The following TFAP2C variants were observed in gnomAD, a reference collection of about 807,000 sequenced individuals.
TFAP2C encodes transcription factor AP-2 gamma.
TFAP2C carries 9 observed loss-of-function variants against 42.9 expected under a neutral mutation model. The ratio of observed to expected loss-of-function variants is 0.21; its 90% confidence interval spans 0.13 to 0.37. TFAP2C has a LOEUF of 0.37. Ranked by LOEUF, TFAP2C falls within the 10% of genes least tolerant of loss-of-function variation. TFAP2C has a pLI of 1.00. For synonymous variants in TFAP2C, 264 were observed against 256.0 expected (o/e 1.03, Z -0.30); for missense variants, 462 against 591.7 (o/e 0.78, Z 2.27).
Position 56,631,082 on chromosome 20 carries a change from AGCCCCGCCGGGCGGGGTGCGGTTG to A in TFAP2C, c.49-121_49-98del. On this transcript the variant is annotated intron_variant, in intron 1 of 6. Transcript: ENST00000201031. The surrounding 1 kb of genome is among the most constrained non-coding windows in gnomAD (Gnocchi z 6.1). ...CCCGGGTACCTTCCGACCCTGGGCA[AGCCCCGCCGGGCGGGGTGCGGTTG>A]GTCCCCCGGGGCCCTCTGCGTAGCC... 6.9e-7 allele frequency: 1 copy of A among 1,439,584 alleles called. No homozygotes were observed. Among genetic ancestry groups the A allele is most frequent in the Middle Eastern group, 2.6e-4 (1 of 3,796 alleles). The allele number at this position is 1,439,584 out of a possible 1,614,324, so 89.2% of individuals were successfully genotyped here. A position where few individuals can be genotyped will look rare whatever the true frequency, so the allele number is the denominator to read the frequency against.
At chr20:56,637,593 G>A (rs1170676699) in intron 6 of TFAP2C, 135 bp from the exon 7 acceptor site, 1 of 719,224 alleles carries the variant, frequency 1.4e-6, no homozygotes, top group Non-Finnish European at 2.3e-6. Context: ...TTGGCTATTA[G>A]TATTAAATTC....
Position 56,636,553 on chromosome 20 carries a change from G to T in TFAP2C, c.923-57G>T, listed in dbSNP as rs912016156. On this transcript the variant is annotated intron_variant, in intron 5 of 6. Coordinates refer to ENST00000201031, the MANE Select transcript of TFAP2C (RefSeq NM_003222.4). The stretch of plus-strand genomic sequence containing the variant: ...AAAAAAAAAAAAAGAGAGAGGAAAA[G>T]GGCAGTTTGGCCTCAGTGACCACAG... 6.5e-6 allele frequency: 10 copies of T among 1,531,504 alleles called. No homozygotes were observed. The Admixed American group carries it at 1.7e-4, about 26-fold the overall frequency. The allele number at this position is 1,531,504 out of a possible 1,614,324, so 94.9% of individuals were successfully genotyped here. A position where few individuals can be genotyped will look rare whatever the true frequency, so the allele number is the denominator to read the frequency against.
Position 56,634,220 on chromosome 20 carries a change from G to A in TFAP2C, c.874G>A (p.Gly292Arg), listed in dbSNP as rs1346573560. 6.2e-7 allele frequency: 1 copy of A among 1,614,060 alleles called. No individual in the cohort carries two copies. Among genetic ancestry groups the A allele is most frequent in the African/African-American group, 1.3e-5 (1 of 74,934 alleles). ...CAAGATTGGGTTGAATCTTCCGGCC[G>A]GGAGGCGGAAAGCCGCTCATGTGAC... ...LDKIGLNLPA[G>R]RRKAAHVTLL... is the part of the protein sequence containing the mutation. Residue 292 changes from glycine (G) to arginine (R), a missense_variant, in exon 5 of 7, where the codon GGG becomes AGG. Physicochemically the swap from Gly to Arg is moderately radical, Grantham distance 125. This residue lies in a region of TFAP2C where 40 missense variants were observed against 106.8 expected (regional missense o/e 0.37). Transcript: ENST00000201031.
rs1446929290 is a variant in TFAP2C, at chr20:56,633,637, G to A, written c.803+68G>A. The A allele has an allele frequency of 3.3e-6, 4 of 1,205,278 alleles. No individual in the cohort carries two copies. The African/African-American group carries it at 4.5e-5, about 14-fold the overall frequency. 74.7% of individuals were successfully genotyped at this position (1,205,278 alleles called of 1,614,324 possible). On this transcript the variant is annotated intron_variant, in intron 4 of 6. Coordinates refer to ENST00000201031, the MANE Select transcript of TFAP2C (RefSeq NM_003222.4). ...AGGTGAGTGTATCAGAGGCCCAGGAGGTATTTTTAACATTTATGTGACTTT... is the reference window on the plus strand; with the variant it reads ...AGGTGAGTGTATCAGAGGCCCAGGAAGTATTTTTAACATTTATGTGACTTT...
In TFAP2C at chr20:56,634,255, A is replaced by G. The variant is rs775847335; in HGVS notation, c.909A>G (p.Thr303=). 9 of 1,611,544 alleles carry G rather than the reference A, an allele frequency of 5.6e-6. No homozygotes were observed. Among genetic ancestry groups the G allele is most frequent in the Admixed American group, 1.7e-5 (1 of 59,968 alleles). The part of the protein sequence containing the change: ...RRKAAHVTLL[T]SLVEGEAVHL... ...AAGCCGCTCATGTGACTCTCCTGAC[A>G]TCCTTAGTAGAAGGTCAGTGGGGTT... The change falls in exon 5 of 7, where the codon ACA becomes ACG. Residue 303 remains threonine, a synonymous_variant. Coordinates refer to ENST00000201031, the MANE Select transcript of TFAP2C (RefSeq NM_003222.4).
Position 56,631,048 on chromosome 20 carries a change from C to T in TFAP2C, c.49-157C>T. 1.0e-6 allele frequency: 1 copy of T among 984,870 alleles called. No individual in the cohort carries two copies. Among genetic ancestry groups the T allele is most frequent in the Non-Finnish European group, 1.2e-6 (1 of 829,406 alleles). The allele number at this position is 984,870 out of a possible 1,614,324, so 61.0% of individuals were successfully genotyped here. A position where few individuals can be genotyped will look rare whatever the true frequency, so the allele number is the denominator to read the frequency against. On this transcript the variant is annotated intron_variant, in intron 1 of 6. Coordinates refer to ENST00000201031, the MANE Select transcript of TFAP2C (RefSeq NM_003222.4). The surrounding 1 kb of genome is among the most constrained non-coding windows in gnomAD (Gnocchi z 6.1). ...TTTGCTTACAACGAAATCCTCGGGG[C>T]GCATTGCCCCCGGGTACCTTCCGAC...
At chr20:56,637,589 A>G (rs1987608518) in intron 6 of TFAP2C, 139 bp from the exon 7 acceptor site, 1 of 691,698 alleles carries the variant, frequency 1.4e-6, no homozygotes, top group South Asian at 1.9e-5. Context: ...GCAGTTGGCT[A>G]TTAGTATTAA....
chr20:56,629,649 G>C lies in TFAP2C; in HGVS notation c.48+57G>C. On this transcript the variant is annotated intron_variant, in intron 1 of 6. Coordinates refer to ENST00000201031, the MANE Select transcript of TFAP2C (RefSeq NM_003222.4). The surrounding 1 kb of genome is among the most constrained non-coding windows in gnomAD (Gnocchi z 5.9). ...CCGCCGAGGACAGTCCGGGAGGCAGGGGCCACTGGACCGAGGTCGGGGACG... is the reference window on the plus strand; with the variant it reads ...CCGCCGAGGACAGTCCGGGAGGCAGCGGCCACTGGACCGAGGTCGGGGACG... 1 of 1,335,088 alleles carries C rather than the reference G, an allele frequency of 7.5e-7. No individual in the cohort carries two copies. 82.7% of individuals were successfully genotyped at this position (1,335,088 alleles called of 1,614,324 possible).
At position 56,630,547 on chromosome 20, in the gene TFAP2C, C is replaced by T. The variant is rs1170954761; in HGVS notation, c.49-658C>T. On this transcript the variant is annotated intron_variant, in intron 1 of 6. Transcript: ENST00000201031. The surrounding 1 kb of genome is among the most constrained non-coding windows in gnomAD (Gnocchi z 5.1). Reference sequence around the variant, plus strand: ...ACTGCCCTTGGCAGTGCAGGGCGCCCCCACTTATTACTCCCCTCGGCTGGG... The same window carrying T: ...ACTGCCCTTGGCAGTGCAGGGCGCCTCCACTTATTACTCCCCTCGGCTGGG... Among the ~76,000 whole-genome samples, 1 of 152,184 alleles carries T rather than the reference C, an allele frequency of 6.6e-6. No homozygotes were observed. The highest frequency in any genetic ancestry group is 1.5e-5 in the Non-Finnish European group (1 of 68,018).
Position 56,631,905 on chromosome 20 carries a change from T to A in TFAP2C, c.586+49T>A. 1 of 1,608,898 alleles carries A rather than the reference T, an allele frequency of 6.2e-7. No individual in the cohort carries two copies. Among genetic ancestry groups the A allele is most frequent in the Non-Finnish European group, 8.5e-7 (1 of 1,175,406 alleles). ...TAACTCTGGTCACACGATCTGGGCT[T>A]GTGAAGTTGACTGGCAAGGTTGGGG... is the stretch of plus-strand genomic sequence containing the variant. On this transcript the variant is annotated intron_variant, in intron 3 of 6. Coordinates refer to ENST00000201031, the MANE Select transcript of TFAP2C (RefSeq NM_003222.4). This position sits in a 1 kb window ranked among gnomAD's most constrained non-coding sequence, Gnocchi z 6.1.
chr20:56,634,298 T>A, intron 5 of TFAP2C, 30 bp downstream of exon 5: 1 of 1,503,126 alleles, frequency 6.7e-7, no homozygotes, highest in Non-Finnish European at 9.3e-7. Flanking sequence ...TGGTTCGTGA[T>A]GTTTTTAATT....
chr20:56,635,987 T>G (rs1482479932), intron 5 of TFAP2C, among the ~76,000 whole-genome samples: 3 of 152,200 alleles, frequency 2.0e-5, no homozygotes, highest in African/African-American at 7.2e-5. Context: ...CATTCATTAT[T>G]TCCCCCCCGA....
chr20:56,631,861 A>G lies in TFAP2C; in HGVS notation c.586+5A>G, dbSNP rs576860803. The G allele has an allele frequency of 4.3e-6, 7 of 1,614,198 alleles. No homozygotes were observed. The African/African-American group carries it at 9.3e-5, about 22-fold the overall frequency. On this transcript the variant is annotated splice_donor_5th_base_variant and intron_variant, in intron 3 of 6. Coordinates refer to ENST00000201031, the MANE Select transcript of TFAP2C (RefSeq NM_003222.4). The surrounding 1 kb of genome is among the most constrained non-coding windows in gnomAD (Gnocchi z 6.1). ...ATCAGACAGTCATTCGCAAAGGTAA[A>G]TAGCAAGGTGGCATCGTCTAACTCT...
At position 56,631,021 on chromosome 20, in the gene TFAP2C, T is replaced by A. The variant is rs1987478235; in HGVS notation, c.49-184T>A. On this transcript the variant is annotated intron_variant, in intron 1 of 6. Coordinates refer to ENST00000201031, the MANE Select transcript of TFAP2C (RefSeq NM_003222.4). The surrounding 1 kb of genome is among the most constrained non-coding windows in gnomAD (Gnocchi z 6.1). ...ACCAGACTCTCCTCCCTCCCCGCAC[T>A]CTTTGCTTACAACGAAATCCTCGGG... 1 of 985,328 alleles carries A rather than the reference T, an allele frequency of 1.0e-6. No individual in the cohort carries two copies. Among genetic ancestry groups the A allele is most frequent in the East Asian group, 1.1e-4 (1 of 8,790 alleles). The allele number at this position is 985,328 out of a possible 1,614,324, so 61.0% of individuals were successfully genotyped here. A position where few individuals can be genotyped will look rare whatever the true frequency, so the allele number is the denominator to read the frequency against.
In TFAP2C at chr20:56,631,456, G is replaced by A. The variant is rs1293869286; in HGVS notation, c.300G>A (p.Gln100=). 1 of 1,564,374 alleles carries A rather than the reference G, an allele frequency of 6.4e-7. No individual in the cohort carries two copies. The change falls in exon 2 of 7, where the codon CAG becomes CAA. Residue 100 remains glutamine, a synonymous_variant. Coordinates refer to ENST00000201031, the MANE Select transcript of TFAP2C (RefSeq NM_003222.4). This position sits in a 1 kb window ranked among gnomAD's most constrained non-coding sequence, Gnocchi z 6.1. ...AGCCGGCGCCCACAGGCAGCCAGCA[G>A]CAGGCCTGGCCCGGCCGCCAGAGCC... ...LHQPAPTGSQ[Q]QAWPGRQSQE...
intron 5 of TFAP2C, among the ~76,000 whole-genome samples, chr20:56,636,391 G>A (rs1987583423): frequency 6.6e-6 from 1 of 152,178 alleles, no homozygotes; most frequent in African/African-American, 2.4e-5. Context: ...GCTGGGTATG[G>A]TGGTGCATGT....
At position 56,639,155 on chromosome 20, in the gene TFAP2C, AGT is replaced by A. The variant is rs1462310621; in HGVS notation, c.*1146_*1147del. 2.0e-5 allele frequency: 3 copies of A among 152,588 alleles called. No homozygotes were observed. The highest frequency in any genetic ancestry group is 2.0e-4 in the Admixed American group (3 of 15,268). 9.5% of individuals were successfully genotyped at this position (152,588 alleles called of 1,614,324 possible). ...TCCTGTTGGGCTGAACCCTAAGGTG[AGT>A]GTGCAGTACAGTGTGTGTGGGTGAA... is the stretch of plus-strand genomic sequence containing the variant. On this transcript the variant is annotated 3_prime_UTR_variant, in exon 7 of 7. Transcript: ENST00000201031.
intron 4 of TFAP2C, 108 bp from the exon 5 acceptor site, chr20:56,634,042 G>C (rs1293940194): frequency 4.0e-6 from 3 of 744,738 alleles, no homozygotes; most frequent in South Asian, 1.6e-5. Context: ...GTCTTTGATG[G>C]GTTTCAGCTT....
Position 56,629,486 on chromosome 20 carries a change from T to C in TFAP2C, c.-59T>C. 2 of 1,347,500 alleles carry C rather than the reference T, an allele frequency of 1.5e-6. No individual in the cohort carries two copies. Among genetic ancestry groups the C allele is most frequent in the Non-Finnish European group, 1.9e-6 (2 of 1,039,998 alleles). The allele number at this position is 1,347,500 out of a possible 1,614,324, so 83.5% of individuals were successfully genotyped here. On this transcript the variant is annotated 5_prime_UTR_variant, in exon 1 of 7. Transcript: ENST00000201031. This position sits in a 1 kb window ranked among gnomAD's most constrained non-coding sequence, Gnocchi z 5.9. ...GTGACCCCGATTTTGGATTTACCGC[T>C]TGGGGGCTGGGGGGATCCTGGATTT...
Sources: gnomAD v4.1 joint callset for allele counts (sites outside exome capture counted in the v4.1 genomes callset) on GRCh38, gnomAD v4.1.1 for gene constraint, gnomAD v4.1.1 regional missense constraint, Gnocchi (gnomAD v3.1) non-coding constraint, MANE v1.5 for transcripts, NCBI Gene and HGNC (gene_info 2026-07-23, HGNC 2026-07-21) for gene names.